The following FARS2 variants were observed in gnomAD, a reference collection of about 807,000 sequenced individuals.
The protein encoded by FARS2 is phenylalanine--tRNA ligase, mitochondrial.
FARS2 carries 40 observed loss-of-function variants against 46.4 expected under a neutral mutation model. The observed-to-expected ratio is 0.86, with a 90% CI of 0.67 to 1.12. FARS2 has a LOEUF of 1.12. FARS2 is among the 50% of genes most tolerant of loss of function. FARS2 has a pLI of 0.00. For missense variants in FARS2, 513 were observed against 567.9 expected (o/e 0.90, Z 0.98); for synonymous variants, 234 against 214.9 (o/e 1.09, Z -0.78).
chr6:5,440,714 G>T (rs1003651815), intron 4 of FARS2, among the ~76,000 whole-genome samples: 1 of 152,030 alleles, frequency 6.6e-6, no homozygotes, highest in African/African-American at 2.4e-5. Context: ...GTGGAGGGGG[G>T]GTGTCTCACT....
rs141515143 is a variant in FARS2, at chr6:5,363,054, G to C, written c.-21-5496G>C. Among the ~76,000 whole-genome samples, 591 of 150,798 alleles carry C rather than the reference G, an allele frequency of 3.9e-3. 5 individuals carry two copies. Among genetic ancestry groups the C allele is most frequent in the African/African-American group, 0.014 (564 of 41,146 alleles). ...CCATTCTCCTGCCTCAGCCTCCCAA[G>C]TAGCTGGGACTACAGGTGCCCGCCA... On this transcript the variant is annotated intron_variant, in intron 1 of 6. Coordinates refer to ENST00000274680, the MANE Select transcript of FARS2 (RefSeq NM_006567.5).
chr6:5,430,677 C>G (rs1763110310), intron 3 of FARS2, among the ~76,000 whole-genome samples: 1 of 152,004 alleles, frequency 6.6e-6, no homozygotes, highest in Admixed American at 6.6e-5. Context: ...AAAATATACT[C>G]TCTTTAACTC....
In FARS2 at chr6:5,728,961, A is replaced by C. The variant is rs1273759758; in HGVS notation, c.1218-42330A>C. 3.3e-5 allele frequency among the ~76,000 whole-genome samples: 5 copies of C among 152,262 alleles called. No homozygotes were observed. The East Asian group carries it at 7.8e-4, about 24-fold the overall frequency. ...GGGAGAGATATTCCTTGTCCCCAGC[A>C]CTGGCTGGTGTGCTCTTGACAGTGG... On this transcript the variant is annotated intron_variant, in intron 6 of 6. Coordinates refer to ENST00000274680, the MANE Select transcript of FARS2 (RefSeq NM_006567.5).
intron 2 of FARS2, among the ~76,000 whole-genome samples, chr6:5,373,892 A>ATTTTTAAAT (rs1270828312): frequency 6.6e-6 from 1 of 152,086 alleles, no homozygotes; most frequent in Non-Finnish European, 1.5e-5. Flanking sequence ...ATCAGTCACA[A>ATTTTTAAAT]TGTGTAGATC....
intron 2 of FARS2, among the ~76,000 whole-genome samples, chr6:5,379,990 T>C (rs1759651017): frequency 6.6e-6 from 1 of 152,238 alleles, no homozygotes; most frequent in Non-Finnish European, 1.5e-5. Flanking sequence ...CTTTCCTGAA[T>C]GTCTAGAAGC....
At position 5,727,707 on chromosome 6, in the gene FARS2, T is replaced by C. The variant is rs1370159232; in HGVS notation, c.1218-43584T>C. 6.6e-6 allele frequency among the ~76,000 whole-genome samples: 1 copy of C among 152,190 alleles called. No homozygotes were observed. The highest frequency in any genetic ancestry group is 1.5e-5 in the Non-Finnish European group (1 of 68,034). On this transcript the variant is annotated intron_variant, in intron 6 of 6. Transcript: ENST00000274680. The surrounding 1 kb of genome is among the most constrained non-coding windows in gnomAD (Gnocchi z 4.1). ...AAAGTGGGTCTGAGGAGTTCACAGATTGGAGTGCCACAGGGATCATATTTT... is the reference window on the plus strand; with the variant it reads ...AAAGTGGGTCTGAGGAGTTCACAGACTGGAGTGCCACAGGGATCATATTTT...
intron 1 of FARS2, among the ~76,000 whole-genome samples, chr6:5,363,508 G>A (rs1381250643): frequency 1.3e-5 from 2 of 151,900 alleles, no homozygotes; most frequent in Admixed American, 6.6e-5. Flanking sequence ...CACATGTAGT[G>A]CTAGATTATG....
chr6:5,449,117 G>A (rs1764336606), intron 4 of FARS2, among the ~76,000 whole-genome samples: 1 of 152,128 alleles, frequency 6.6e-6, no homozygotes, highest in Non-Finnish European at 1.5e-5. Flanking sequence ...GGGAGGCCGA[G>A]GCGGGCAGAT....
intron 6 of FARS2, among the ~76,000 whole-genome samples, chr6:5,676,945 G>A (rs1278382849): frequency 6.6e-6 from 1 of 152,136 alleles, no homozygotes. Context: ...AAACCACAGA[G>A]TATAGTCATT....
In FARS2 at chr6:5,658,338, T is replaced by C. The variant is rs189997949; in HGVS notation, c.1217+45018T>C. ...TATACATTGGTGGTTGTTACTGTTATTAAGTTATTGTTATTACTTAGCAGA... is the reference window on the plus strand; with the variant it reads ...TATACATTGGTGGTTGTTACTGTTACTAAGTTATTGTTATTACTTAGCAGA... On this transcript the variant is annotated intron_variant, in intron 6 of 6. Transcript: ENST00000274680. 6.5e-3 allele frequency among the ~76,000 whole-genome samples: 990 copies of C among 152,326 alleles called. 6 individuals are homozygous for C. Among genetic ancestry groups the C allele is most frequent in the South Asian group, 0.013 (65 of 4,824 alleles).
At chr6:5,464,444 CTCACTAT>C (rs1174424196) in intron 4 of FARS2, among the ~76,000 whole-genome samples, 1 of 152,214 alleles carries the variant, frequency 6.6e-6, no homozygotes, top group Non-Finnish European at 1.5e-5. Context: ...CCAGGTCTTC[CTCACTAT>C]TGGGGATATG....
chr6:5,381,342 C>G (rs1193055465), intron 2 of FARS2, among the ~76,000 whole-genome samples: 1 of 149,482 alleles, frequency 6.7e-6, no homozygotes, highest in African/African-American at 2.5e-5. Context: ...ATTTGAGAGT[C>G]TGATGAGAAA....
At chr6:5,416,808 C>T (rs777221818) in intron 3 of FARS2, among the ~76,000 whole-genome samples, 6 of 152,136 alleles carry the variant, frequency 3.9e-5, no homozygotes, top group Non-Finnish European at 5.9e-5. Flanking sequence ...TTAGGATTTA[C>T]AGTTATCACA....
intron 4 of FARS2, among the ~76,000 whole-genome samples, chr6:5,483,191 T>TTG (rs2150346295): frequency 6.6e-6 from 1 of 152,348 alleles, no homozygotes; most frequent in African/African-American, 2.4e-5. Context: ...TGGATACTAT[T>TTG]GCTCACAGTA....
At chr6:5,638,041 T>C (rs1053013609) in intron 6 of FARS2, among the ~76,000 whole-genome samples, 11 of 152,188 alleles carry the variant, frequency 7.2e-5, no homozygotes, top group Non-Finnish European at 1.5e-4. Context: ...CCATCTGACG[T>C]CCAAGGTGGG....
chr6:5,377,743 T>C (rs1759475511), intron 2 of FARS2, among the ~76,000 whole-genome samples: 2 of 152,190 alleles, frequency 1.3e-5, no homozygotes, highest in South Asian at 4.1e-4. Context: ...TTTATTTATT[T>C]TAAAGAGCTC....
At chr6:5,378,618 A>T (rs1759543955) in intron 2 of FARS2, among the ~76,000 whole-genome samples, 1 of 152,008 alleles carries the variant, frequency 6.6e-6, no homozygotes, top group South Asian at 2.1e-4. Flanking sequence ...TTTATTCTCC[A>T]CCGTGTGGTT....
At chr6:5,716,767 G>A (rs1213572996) in intron 6 of FARS2, among the ~76,000 whole-genome samples, 1 of 152,200 alleles carries the variant, frequency 6.6e-6, no homozygotes. Context: ...TTATTTTGAA[G>A]GATATAACAA....
intron 5 of FARS2, among the ~76,000 whole-genome samples, chr6:5,554,045 A>G (rs1035984677): frequency 6.6e-6 from 1 of 152,130 alleles, no homozygotes; most frequent in Non-Finnish European, 1.5e-5. Flanking sequence ...TTGGCACTCA[A>G]TCTTGAAACT....
Sources: gnomAD v4.1 joint callset for allele counts (sites outside exome capture counted in the v4.1 genomes callset) on GRCh38, gnomAD v4.1.1 for gene constraint, Gnocchi (gnomAD v3.1) non-coding constraint, MANE v1.5 for transcripts, NCBI Gene and HGNC (gene_info 2026-07-23, HGNC 2026-07-21) for gene names.